The following VWF variants were observed in gnomAD, a reference collection of about 807,000 sequenced individuals.
The protein encoded by VWF is Factor VIII related antigen.
In VWF, 176 loss-of-function variants were observed where a neutral mutation model predicts 308.6. The observed-to-expected ratio is 0.57, with a 90% CI of 0.50 to 0.65. The LOEUF is 0.65. Ranked by LOEUF, VWF falls within the 30% of genes least tolerant of loss-of-function variation. The pLI, the probability that VWF is intolerant of heterozygous loss-of-function variation, is 0.00. For missense variants in VWF, 3,146 were observed against 3,648.2 expected (o/e 0.86, Z 3.55); for synonymous variants, 1,385 against 1,443.4 (o/e 0.96, Z 0.92).
intron 3 of VWF, among the ~76,000 whole-genome samples, chr12:6,111,539 A>AT (rs570703117): frequency 6.7e-5 from 10 of 150,050 alleles, no homozygotes; most frequent in East Asian, 5.9e-4. Flanking sequence ...CATCCAGCTA[A>AT]TTTTTTTTTT....
intron 11 of VWF, 117 bp downstream of exon 11, chr12:6,065,020 C>T: frequency 6.8e-7 from 1 of 1,462,358 alleles, no homozygotes. Flanking sequence ...CTGGAAGAGA[C>T]CTCCCTCATG....
chr12:6,116,883 T>C (rs1208706556), intron 3 of VWF, among the ~76,000 whole-genome samples: 1 of 152,148 alleles, frequency 6.6e-6, no homozygotes, highest in Admixed American at 6.5e-5. Flanking sequence ...GGAGACAGGA[T>C]GTCATTGCAG....
At chr12:6,080,181 T>G (rs185901198) in intron 6 of VWF, among the ~76,000 whole-genome samples, 45 of 152,348 alleles carry the variant, frequency 3.0e-4, no homozygotes, top group African/African-American at 1.1e-3. Flanking sequence ...GGTCCATTTC[T>G]GTGGCCGTCT....
intron 47 of VWF, among the ~76,000 whole-genome samples, chr12:5,958,853 T>C (rs989447991): frequency 3.9e-5 from 6 of 152,212 alleles, no homozygotes; most frequent in South Asian, 2.1e-4. Flanking sequence ...TCTTAGTTTG[T>C]TATCTTGGTC....
chr12:6,077,551 G>A lies in VWF; in HGVS notation c.658-2000C>T, dbSNP rs753421534. 3.9e-5 allele frequency among the ~76,000 whole-genome samples: 6 copies of A among 152,212 alleles called. No individual in the cohort carries two copies. In the South Asian group the frequency reaches 6.2e-4, roughly 16 times the overall value. ...AAGCCCAGCTCTGCCACTTACTGGC[G>A]GTGGGGACTTAGGCAAATCAGCTCA... On this transcript the variant is annotated intron_variant, in intron 6 of 51. Transcript: ENST00000261405.
intron 10 of VWF, among the ~76,000 whole-genome samples, chr12:6,069,031 AT>A (rs1435170256): frequency 6.6e-6 from 1 of 150,732 alleles, no homozygotes; most frequent in African/African-American, 2.5e-5. Context: ...TAATGTTTGT[AT>A]TTTTTGTAGC....
intron 47 of VWF, among the ~76,000 whole-genome samples, chr12:5,967,104 G>A (rs1943412057): frequency 6.6e-6 from 1 of 152,242 alleles, no homozygotes; most frequent in African/African-American, 2.4e-5. Flanking sequence ...GGAATGTTGT[G>A]TAGAGCCTTG....
chr12:6,109,675 G>C (rs1945283571), intron 5 of VWF, among the ~76,000 whole-genome samples: 1 of 152,028 alleles, frequency 6.6e-6, no homozygotes, highest in Non-Finnish European at 1.5e-5. Flanking sequence ...TTTTGAGACG[G>C]AGTCTCGCTC....
chr12:6,056,968 C>A lies in VWF; in HGVS notation c.1834G>T (p.Val612Leu), dbSNP rs562188657. The A allele has an allele frequency of 3.2e-6, 5 of 1,541,602 alleles. No homozygotes were observed. In the South Asian group the frequency reaches 4.8e-5, roughly 15 times the overall value. ...TCGCGGCCGTCCGAGCAGGAGCACA[C>A]GTCGTAGCGGCAGTTCCGCAGGTAG... ...LPYLRNCRYD[V>L]CSCSDGRECL... Residue 612 changes from valine (V) to leucine (L), a missense_variant, in exon 15 of 52, where the codon GTG (valine) becomes TTG (leucine). Val to Leu is a conservative substitution (Grantham distance 32, BLOSUM62 1). This residue lies in a region of VWF where 1,304 missense variants were observed against 1,353.0 expected (regional missense o/e 0.96). Transcript: ENST00000261405.
At chr12:6,110,272 T>G in intron 5 of VWF, 102 bp downstream of exon 5, 1 of 1,256,978 alleles carries the variant, frequency 8.0e-7, no homozygotes, top group Non-Finnish European at 1.2e-6. Flanking sequence ...GAGGTCACAG[T>G]GAGGCTTGAA....
intron 6 of VWF, among the ~76,000 whole-genome samples, chr12:6,089,355 T>C (rs911262051): frequency 4.6e-5 from 7 of 152,158 alleles, no homozygotes; most frequent in Non-Finnish European, 1.0e-4. Flanking sequence ...GGGAGGAGCT[T>C]GTGCCTCTGG....
rs138514397 is a variant in VWF at position 6,088,371 on chromosome 12, C to T, written c.657+7089G>A. Reference sequence around the variant, plus strand: ...ACAGGCGCATGTAGTCCCAGCTACTCGGGAGGCTGAGGCGGGAGAATGGCG... The same window carrying T: ...ACAGGCGCATGTAGTCCCAGCTACTTGGGAGGCTGAGGCGGGAGAATGGCG... On this transcript the variant is annotated intron_variant, in intron 6 of 51. Coordinates refer to ENST00000261405, the MANE Select transcript of VWF (RefSeq NM_000552.5). Among the ~76,000 whole-genome samples, 234 of 151,282 alleles carry T rather than the reference C, an allele frequency of 1.5e-3. 2 individuals carry two copies. Among genetic ancestry groups the T allele is most frequent in the African/African-American group, 5.4e-3 (223 of 41,240 alleles).
At chr12:6,051,225 A>G (rs1486395276) in intron 16 of VWF, among the ~76,000 whole-genome samples, 1 of 151,058 alleles carries the variant, frequency 6.6e-6, no homozygotes, top group East Asian at 1.9e-4. Context: ...GGGGCTCCTT[A>G]TACTATTCTC....
chr12:5,984,955 G>C (rs906110647), intron 40 of VWF, 90 bp downstream of exon 40: 3 of 1,395,392 alleles, frequency 2.1e-6, no homozygotes, highest in Non-Finnish European at 3.0e-6. Context: ...CCCTGTGCCT[G>C]AGAACAGAGA....
chr12:5,960,855 C>T (rs929893198), intron 47 of VWF, among the ~76,000 whole-genome samples: 25 of 152,150 alleles, frequency 1.6e-4, no homozygotes, highest in African/African-American at 6.0e-4. Context: ...GGACAGGGGG[C>T]CCCAGTACCA....
chr12:5,992,987 A>G (rs1027901152), intron 37 of VWF, among the ~76,000 whole-genome samples: 1 of 152,194 alleles, frequency 6.6e-6, no homozygotes, highest in Non-Finnish European at 1.5e-5. Context: ...CAGGTTATCT[A>G]GGCCAACTAT....
At chr12:6,121,390 C>G in intron 2 of VWF, 52 bp from the exon 3 acceptor site, 1 of 1,600,984 alleles carries the variant, frequency 6.2e-7, no homozygotes, top group Non-Finnish European at 8.5e-7. Context: ...ACAACTGGGA[C>G]CATCAGCTCA....
In VWF at chr12:6,075,535, C is replaced by T; in HGVS notation, c.674G>A (p.Cys225Tyr). ...GEMQKGLWEQ[C>Y]QLLKSTSVFA... ...CACCGAGGTGCTCTTCAGAAGCTGG[C>T]ACTGCTCCCACAGGCCCTGCAGGAA... Residue 225 changes from cysteine to tyrosine, a missense_variant, in exon 7 of 52, where the codon TGC (cysteine) becomes TAC (tyrosine). This residue lies in a region of VWF where 1,304 missense variants were observed against 1,353.0 expected (regional missense o/e 0.96). Transcript: ENST00000261405. The surrounding 1 kb of genome is among the most constrained non-coding windows in gnomAD (Gnocchi z 4.7). 1 of 1,613,968 alleles carries T rather than the reference C, an allele frequency of 6.2e-7. No homozygotes were observed. The highest frequency in any genetic ancestry group is 8.5e-7 in the Non-Finnish European group (1 of 1,179,896).
chr12:6,124,507 T>C lies in VWF; in HGVS notation c.-87A>G, dbSNP rs1385343435. On this transcript the variant is annotated 5_prime_UTR_variant, in exon 1 of 52. It removes an upstream start codon present in the reference 5' UTR. Coordinates refer to ENST00000261405, the MANE Select transcript of VWF (RefSeq NM_000552.5). ...CAATGGTGCCGCCCACCCTAGGCCA[T>C]GCTCTCAGCTGCTGCAAAGGCTCAA... is the stretch of plus-strand genomic sequence containing the variant. The C allele has an allele frequency of 1.3e-5, 2 of 152,530 alleles. No individual in the cohort carries two copies. The highest frequency in any genetic ancestry group is 4.8e-5 in the African/African-American group (2 of 41,460). The allele number at this position is 152,530 out of a possible 1,614,324, so 9.4% of individuals were successfully genotyped here.
Sources: allele counts gnomAD v4.1 joint callset (sites outside exome capture counted in the v4.1 genomes callset), GRCh38; gene constraint gnomAD v4.1.1; regional missense constraint gnomAD v4.1.1; non-coding constraint Gnocchi (gnomAD v3.1); transcripts MANE v1.5; gene names NCBI Gene and HGNC (gene_info 2026-07-23, HGNC 2026-07-21).